Variants in FLRT2 observed in about 807,000 individuals in gnomAD.
FLRT2 encodes the protein leucine-rich repeat transmembrane protein FLRT2.
A neutral mutation model predicts 40.0 loss-of-function variants in FLRT2; 15 were observed. The ratio of observed to expected loss-of-function variants is 0.38; its 90% CI spans 0.25 to 0.58. FLRT2 has a LOEUF of 0.58. Among genes scored for constraint, FLRT2 ranks in the 20% least tolerant of loss-of-function variants. FLRT2 has a pLI of 0.71. For missense variants in FLRT2, 726 were observed against 840.0 expected (o/e 0.86, Z 1.68); for synonymous variants, 380 against 336.8 (o/e 1.13, Z -1.41).
intron 1 of FLRT2, among the ~76,000 whole-genome samples, chr14:85,599,121 T>C (rs1892271060): frequency 6.6e-6 from 1 of 151,810 alleles, no homozygotes; most frequent in Non-Finnish European, 1.5e-5. Context: ...AGGTTTTCAC[T>C]GTGTTAGCCA....
Position 85,623,207 on chromosome 14 carries a change from C to A in FLRT2, c.1693C>A (p.His565Asn). 6.5e-7 allele frequency: 1 copy of A among 1,536,748 alleles called. No individual in the cohort carries two copies. The highest frequency in any genetic ancestry group is 1.3e-5 in the South Asian group (1 of 77,422). ...GGTCTTGCTCAGCGTCTTTTGCTGG[C>A]ATATGCACAAAAAGGGGCGCTACAC... is the stretch of plus-strand genomic sequence containing the variant. ...LVVLLSVFCW[H>N]MHKKGRYTSQ... Residue 565 changes from histidine to asparagine, a missense_variant, in exon 2 of 2, where the codon CAT becomes AAT. Physicochemically the swap from His to Asn is moderately conservative, Grantham distance 68 (BLOSUM62 1). Transcript: ENST00000330753.
intron 1 of FLRT2, among the ~76,000 whole-genome samples, chr14:85,615,363 T>C (rs952851925): frequency 1.3e-5 from 2 of 152,258 alleles, no homozygotes; most frequent in African/African-American, 4.8e-5. Flanking sequence ...GAATATTTTG[T>C]GTTTGCCAAG....
rs768494932 is a variant in FLRT2 at position 85,582,234 on chromosome 14, C to T, written c.-376-38905C>T. Among the ~76,000 whole-genome samples the T allele has an allele frequency of 1.3e-4, 20 of 152,132 alleles. 1 individual carries two copies. The highest frequency in any genetic ancestry group is 8.5e-4 in the Admixed American group (13 of 15,268). On this transcript the variant is annotated intron_variant, in intron 1 of 1. Coordinates refer to ENST00000330753, the MANE Select transcript of FLRT2 (RefSeq NM_013231.6). ...GCATTATTCTGATACATATGAAATA[C>T]AACCTTGTGATTATATGATATATGT...
intron 1 of FLRT2, among the ~76,000 whole-genome samples, chr14:85,604,525 T>G (rs1892523160): frequency 6.6e-6 from 1 of 152,272 alleles, no homozygotes; most frequent in Non-Finnish European, 1.5e-5. Flanking sequence ...ATGATTGCTG[T>G]GGGCTGCATT....
chr14:85,615,164 G>A (rs1246303416), intron 1 of FLRT2, among the ~76,000 whole-genome samples: 1 of 152,174 alleles, frequency 6.6e-6, no homozygotes, highest in Non-Finnish European at 1.5e-5. Flanking sequence ...TGCAGTTCCA[G>A]ATTTTAAAGG....
At chr14:85,598,680 A>G (rs1892246133) in intron 1 of FLRT2, among the ~76,000 whole-genome samples, 1 of 152,154 alleles carries the variant, frequency 6.6e-6, no homozygotes, top group Non-Finnish European at 1.5e-5. Flanking sequence ...CTTAGATGTT[A>G]TAAAATTCCT....
chr14:85,602,165 TATAC>T (rs1892404425), intron 1 of FLRT2, among the ~76,000 whole-genome samples: 1 of 152,216 alleles, frequency 6.6e-6, no homozygotes, highest in South Asian at 2.1e-4. Context: ...TATGCACTCT[TATAC>T]ATACGTACAC....
At chr14:85,613,863 A>T (rs946785512) in intron 1 of FLRT2, among the ~76,000 whole-genome samples, 17 of 152,200 alleles carry the variant, frequency 1.1e-4, no homozygotes, top group Non-Finnish European at 4.4e-5. Flanking sequence ...TTCAGGATTG[A>T]TGGAAGGAAG....
intron 1 of FLRT2, among the ~76,000 whole-genome samples, chr14:85,558,256 C>G (rs1890097642): frequency 6.6e-6 from 1 of 151,748 alleles, no homozygotes; most frequent in Non-Finnish European, 1.5e-5. Context: ...CTCTCATATG[C>G]CCGTAGAATT....
At chr14:85,583,304 T>A (rs888786779) in intron 1 of FLRT2, among the ~76,000 whole-genome samples, 5 of 152,168 alleles carry the variant, frequency 3.3e-5, no homozygotes, top group Non-Finnish European at 7.3e-5. Context: ...AAAGAATAGG[T>A]AAAGTACATT....
intron 1 of FLRT2, among the ~76,000 whole-genome samples, chr14:85,591,374 C>T (rs1374604101): frequency 6.6e-6 from 1 of 152,130 alleles, no homozygotes; most frequent in Admixed American, 6.5e-5. Context: ...TGTAGAAAAA[C>T]TGAATGAAAG....
rs1894423239 is a variant in FLRT2 at position 85,651,145 on chromosome 14, T to C, written c.*27648T>C. On this transcript the variant is annotated 3_prime_UTR_variant, in exon 2 of 2. Transcript: ENST00000330753. ...TAATTCAATTATCTTTTTTGATTAATCAATTGTTTAGGATAATGTCTCAAA... is the reference window on the plus strand; with the variant it reads ...TAATTCAATTATCTTTTTTGATTAACCAATTGTTTAGGATAATGTCTCAAA... The C allele has an allele frequency of 6.6e-6, 1 of 152,174 alleles. No individual in the cohort carries two copies. The highest frequency in any genetic ancestry group is 2.4e-5 in the African/African-American group (1 of 41,448). The allele number at this position is 152,174 out of a possible 1,614,324, so 9.4% of individuals were successfully genotyped here. A position where few individuals can be genotyped will look rare whatever the true frequency, so the allele number is the denominator to read the frequency against.
chr14:85,636,956 A>G lies in FLRT2; in HGVS notation c.*13459A>G, dbSNP rs1195062851. 1 of 142,486 alleles carries G rather than the reference A, an allele frequency of 7.0e-6. No homozygotes were observed. The highest frequency in any genetic ancestry group is 2.6e-5 in the African/African-American group (1 of 38,524). 8.8% of individuals were successfully genotyped at this position (142,486 alleles called of 1,614,324 possible). A position where few individuals can be genotyped will look rare whatever the true frequency, so the allele number is the denominator to read the frequency against. On this transcript the variant is annotated 3_prime_UTR_variant, in exon 2 of 2. Coordinates refer to ENST00000330753, the MANE Select transcript of FLRT2 (RefSeq NM_013231.6). ...AAAAAAAAAAAAAAAAAAAAAAAAG[A>G]GAGAGACTAACATTCTAACAGACAA... is the stretch of plus-strand genomic sequence containing the variant.
chr14:85,550,353 G>A (rs1566722314), intron 1 of FLRT2, among the ~76,000 whole-genome samples: 1 of 152,090 alleles, frequency 6.6e-6, no homozygotes, highest in East Asian at 1.9e-4. Context: ...ATGGCTGTTA[G>A]GAATCAGGTA....
intron 1 of FLRT2, among the ~76,000 whole-genome samples, chr14:85,618,914 C>T (rs1893258547): frequency 6.6e-6 from 1 of 152,018 alleles, no homozygotes; most frequent in Non-Finnish European, 1.5e-5. Context: ...GGTTTGAAAC[C>T]TGAGCTAAGG....
At chr14:85,590,283 G>C (rs560365208) in intron 1 of FLRT2, among the ~76,000 whole-genome samples, 1 of 152,038 alleles carries the variant, frequency 6.6e-6, no homozygotes, top group South Asian at 2.1e-4. Context: ...TTTGCTAGCC[G>C]TGTGACAGAG....
intron 1 of FLRT2, among the ~76,000 whole-genome samples, chr14:85,542,787 C>T (rs896489385): frequency 3.3e-5 from 5 of 152,158 alleles, no homozygotes; most frequent in East Asian, 1.9e-4. Context: ...AGGAATGCCA[C>T]GCAGACATCC....
intron 1 of FLRT2, among the ~76,000 whole-genome samples, chr14:85,614,202 A>T (rs4405483): frequency 0.023 from 3,474 of 152,244 alleles, 139 homozygotes; most frequent in African/African-American, 0.08. Flanking sequence ...TGGGAAGTGG[A>T]AAAGCTGTTC....
chr14:85,587,857 G>GTAAGA (rs1891694547), intron 1 of FLRT2, among the ~76,000 whole-genome samples: 1 of 152,156 alleles, frequency 6.6e-6, no homozygotes, highest in Admixed American at 6.5e-5. Flanking sequence ...CACCTGGTTA[G>GTAAGA]TAAGATGTCT....
Sources: allele counts gnomAD v4.1 joint callset (sites outside exome capture counted in the v4.1 genomes callset), GRCh38; gene constraint gnomAD v4.1.1; transcripts MANE v1.5; gene names NCBI Gene and HGNC (gene_info 2026-07-23, HGNC 2026-07-21).